The following SYNE1 variants were observed in gnomAD, a reference collection of about 807,000 sequenced individuals.
The protein encoded by SYNE1 is spectrin repeat containing nuclear envelope protein 1.
A neutral mutation model predicts 1,111.0 loss-of-function variants in SYNE1; 616 were observed. That is an observed-to-expected ratio of 0.55 (90% CI 0.52 to 0.59). The LOEUF (loss-of-function observed/expected upper bound fraction) is 0.59, where lower values mean the gene tolerates loss of function less well. Ranked by LOEUF, SYNE1 falls within the 20% of genes least tolerant of loss-of-function variation. The pLI is 0.00. For synonymous variants in SYNE1, 3,855 were observed against 3,825.8 expected (o/e 1.01, Z -0.28); for missense variants, 10,006 against 10,417.0 (o/e 0.96, Z 1.72).
intron 131 of SYNE1, 56 bp downstream of exon 131, chr6:152,164,107 G>C: frequency 6.2e-7 from 1 of 1,607,440 alleles, no homozygotes; most frequent in Non-Finnish European, 8.5e-7. Context: ...CATCATCCTG[G>C]CCAGGAGGAC....
At position 152,122,049 on chromosome 6, in the gene SYNE1, T is replaced by A. The variant is rs2051509319; in HGVS notation, c.*387A>T. On this transcript the variant is annotated 3_prime_UTR_variant, in exon 146 of 146. Coordinates refer to ENST00000367255, the MANE Select transcript of SYNE1 (RefSeq NM_182961.4). ...GACACTGACATGGTGCTTGGGAGGG[T>A]CATTTATCTGATGGTTGGAGCAGCA... The A allele has an allele frequency of 3.4e-6, 1 of 297,188 alleles. No individual in the cohort carries two copies. Among genetic ancestry groups the A allele is most frequent in the Non-Finnish European group, 6.5e-6 (1 of 153,412 alleles). The allele number at this position is 297,188 out of a possible 1,614,324, so 18.4% of individuals were successfully genotyped here.
intron 3 of SYNE1, among the ~76,000 whole-genome samples, chr6:152,608,188 A>T (rs141434512): frequency 6.6e-6 from 1 of 152,292 alleles, no homozygotes. Context: ...AATAAAAAAC[A>T]TTAAAGTGAT....
intron 99 of SYNE1, among the ~76,000 whole-genome samples, chr6:152,268,893 G>C (rs1366138576): frequency 2.6e-5 from 4 of 152,050 alleles, no homozygotes; most frequent in Non-Finnish European, 5.9e-5. Flanking sequence ...AGGTATCTCT[G>C]GTAAAGAAGA....
intron 14 of SYNE1, chr6:152,481,552 A>G (rs1459186072): frequency 4.4e-6 from 2 of 453,802 alleles, no homozygotes; most frequent in Non-Finnish European, 8.8e-6. Flanking sequence ...TGAATCTGCA[A>G]TTTAAAAATA....
At chr6:152,211,909 A>G (rs2077591409) in intron 123 of SYNE1, among the ~76,000 whole-genome samples, 1 of 152,140 alleles carries the variant, frequency 6.6e-6, no homozygotes. Flanking sequence ...TTGTATATAA[A>G]ATATGGTCCA....
At chr6:152,164,107 G>A in intron 131 of SYNE1, 56 bp downstream of exon 131, 1 of 1,607,440 alleles carries the variant, frequency 6.2e-7, no homozygotes, top group Non-Finnish European at 8.5e-7. Context: ...CATCATCCTG[G>A]CCAGGAGGAC....
chr6:152,478,760 C>G (rs2098851593), intron 14 of SYNE1: 1 of 152,196 alleles, frequency 6.6e-6, no homozygotes, highest in Non-Finnish European at 1.5e-5. Flanking sequence ...GAAATGCCTT[C>G]TGATTGCCAG....
In SYNE1 at chr6:152,364,802, C is replaced by G. The variant is rs745977691; in HGVS notation, c.10145+45G>C. 14 of 1,613,358 alleles carry G rather than the reference C, an allele frequency of 8.7e-6. No homozygotes were observed. In the African/African-American group the frequency reaches 9.4e-5, roughly 11 times the overall value. ...GTCTGTTCAGTAGTATTATATTGAT[C>G]TTTTAGTAATAGCTTCCCCAGTGCT... On this transcript the variant is annotated intron_variant, in intron 63 of 145. Transcript: ENST00000367255.
chr6:152,280,995 C>T (rs561913276), intron 97 of SYNE1, among the ~76,000 whole-genome samples: 1 of 152,086 alleles, frequency 6.6e-6, no homozygotes. Context: ...ATGATTTTCA[C>T]ATATTTCCTC....
rs1476750939 is a variant in SYNE1, at chr6:152,511,438, AGCTTAAAAGAAACT to A, written c.310-349_310-336del. 5.2e-6 allele frequency: 4 copies of A among 772,572 alleles called. No homozygotes were observed. In the Admixed American group the frequency reaches 1.0e-4, roughly 19 times the overall value. The allele number at this position is 772,572 out of a possible 1,614,324, so 47.9% of individuals were successfully genotyped here. Reference sequence around the variant, plus strand: ...TTATTTATATTTAGAGGTTGACTGGAGCTTAAAAGAAACTGCAATGAGAAGTTTAAGAAGATGCA... The same window carrying A: ...TTATTTATATTTAGAGGTTGACTGGAGCAATGAGAAGTTTAAGAAGATGCA... On this transcript the variant is annotated intron_variant, in intron 6 of 145. Transcript: ENST00000367255.
In SYNE1 at chr6:152,399,766, G is replaced by A. The variant is rs774376555; in HGVS notation, c.7087C>T (p.Leu2363Phe). The change falls in exon 48 of 146, where the codon CTC becomes TTC. Residue 2363 changes from leucine (L) to phenylalanine (F), a missense_variant. Around this residue, in one of 7 missense-constraint regions of SYNE1, gnomAD observed 4,955 missense variants for 5,017.2 expected, o/e 0.99. Coordinates refer to ENST00000367255, the MANE Select transcript of SYNE1 (RefSeq NM_182961.4). Reference sequence around the variant, plus strand: ...TGGTACTTGCGGCACAAGCTATTGAGATTTTCTTGGGTAGAGCTGATGTTG... The same window carrying A: ...TGGTACTTGCGGCACAAGCTATTGAAATTTTCTTGGGTAGAGCTGATGTTG... ...QSNISSTQEN[L>F]NSLCRKYHSA... 1.2e-6 allele frequency: 2 copies of A among 1,614,002 alleles called. No individual in the cohort carries two copies. Among genetic ancestry groups the A allele is most frequent in the Admixed American group, 3.3e-5 (2 of 59,980 alleles).
chr6:152,373,022 G>A lies in SYNE1; in HGVS notation c.9507+15C>T. On this transcript the variant is annotated intron_variant, in intron 59 of 145. Coordinates refer to ENST00000367255, the MANE Select transcript of SYNE1 (RefSeq NM_182961.4). ...AAATAACACAGAATGCTTCCATGTG[G>A]TTGGCTATATATACCTCTAGAGCAG... is the stretch of plus-strand genomic sequence containing the variant. The A allele has an allele frequency of 6.2e-7, 1 of 1,612,364 alleles. No homozygotes were observed. The highest frequency in any genetic ancestry group is 8.5e-7 in the Non-Finnish European group (1 of 1,178,464).
At chr6:152,530,597 C>A (rs531433771) in intron 4 of SYNE1, among the ~76,000 whole-genome samples, 1 of 150,982 alleles carries the variant, frequency 6.6e-6, no homozygotes, top group Non-Finnish European at 1.5e-5. Context: ...TTTTAAATTG[C>A]ACACTGTTCT....
At chr6:152,255,819 G>T in intron 102 of SYNE1, 73 bp from the exon 103 acceptor site, 1 of 1,541,024 alleles carries the variant, frequency 6.5e-7, no homozygotes, top group Non-Finnish European at 9.0e-7. Context: ...TCAGGATGGG[G>T]CCGGTGCAGT....
intron 3 of SYNE1, among the ~76,000 whole-genome samples, chr6:152,597,652 GACTATTATACAATTATAGACT>G (rs1316815027): frequency 6.6e-6 from 1 of 152,100 alleles, no homozygotes; most frequent in Non-Finnish European, 1.5e-5. Flanking sequence ...GAGACCATGT[GACTATTATACAATTATAGACT>G]GCATGTCCAC....
intron 93 of SYNE1, among the ~76,000 whole-genome samples, chr6:152,297,377 G>A (rs753219714): frequency 3.3e-5 from 5 of 151,992 alleles, no homozygotes; most frequent in Non-Finnish European, 5.9e-5. Flanking sequence ...GCCAGTTTAG[G>A]TGCCTTCTCT....
intron 100 of SYNE1, among the ~76,000 whole-genome samples, chr6:152,266,052 A>T (rs1360929976): frequency 6.6e-6 from 1 of 152,114 alleles, no homozygotes; most frequent in Non-Finnish European, 1.5e-5. Context: ...AAACAGGCTG[A>T]GCTGTTATCA....
rs750212846 is a variant in SYNE1, at chr6:152,396,866, T to A, written c.7465A>T (p.Ile2489Phe). ...TGAAACTCTTCATTGGCCTTTGTGA[T>A]TTGTTCTTGAATGCTACTGACAATT... The part of the protein sequence containing the change: ...KQIVSSIQEQ[I>F]TKANEEFQAF... The change falls in exon 50 of 146, where the codon ATC becomes TTC. Residue 2489 changes from isoleucine to phenylalanine, a missense_variant. By Grantham distance (21) the Ile-to-Phe change is conservative. Transcript: ENST00000367255. 5 of 1,614,204 alleles carry A rather than the reference T, an allele frequency of 3.1e-6. No homozygotes were observed. Among genetic ancestry groups the A allele is most frequent in the Non-Finnish European group, 3.4e-6 (4 of 1,180,022 alleles).
chr6:152,237,692 G>A (rs1479472710), intron 108 of SYNE1, among the ~76,000 whole-genome samples: 3 of 152,052 alleles, frequency 2.0e-5, no homozygotes, highest in South Asian at 2.1e-4. Context: ...TTCATGTAAC[G>A]AGTAAACAAA....
Sources: allele counts gnomAD v4.1 joint callset (sites outside exome capture counted in the v4.1 genomes callset), GRCh38; gene constraint gnomAD v4.1.1; regional missense constraint gnomAD v4.1.1; transcripts MANE v1.5; gene names NCBI Gene and HGNC (gene_info 2026-07-23, HGNC 2026-07-21).